Variants in AGBL4 observed in about 807,000 individuals in gnomAD.
AGBL4 encodes the protein AGBL carboxypeptidase 4, also known as cytosolic carboxypeptidase 6.
In AGBL4, 58 loss-of-function variants were observed where a neutral mutation model predicts 66.4. The ratio of observed to expected loss-of-function variants is 0.87; its 90% CI spans 0.71 to 1.09. The LOEUF is 1.09. Among genes scored for constraint, AGBL4 ranks in the 50% least tolerant of loss-of-function variants. AGBL4 has a pLI of 0.00. For missense variants in AGBL4, 579 were observed against 631.0 expected (o/e 0.92, Z 0.88); for synonymous variants, 234 against 222.9 (o/e 1.05, Z -0.44).
intron 6 of AGBL4, among the ~76,000 whole-genome samples, chr1:48,766,897 T>C (rs573429360): frequency 6.6e-6 from 1 of 152,350 alleles, no homozygotes; most frequent in South Asian, 2.1e-4. Context: ...GTAGTCCTTG[T>C]GTTTTTGGTC....
intron 3 of AGBL4, among the ~76,000 whole-genome samples, chr1:49,494,943 G>A (rs1364258042): frequency 6.6e-6 from 1 of 151,954 alleles, no homozygotes; most frequent in Admixed American, 6.6e-5. Context: ...CCTGTTTCCT[G>A]ACTTTTAGTA....
intron 2 of AGBL4, among the ~76,000 whole-genome samples, chr1:49,767,874 C>T (rs1643934223): frequency 6.6e-6 from 1 of 151,710 alleles, no homozygotes; most frequent in Non-Finnish European, 1.5e-5. Context: ...TTCCTGGGAG[C>T]ACACAATCTC....
At chr1:49,004,732 C>G (rs528699005) in intron 5 of AGBL4, among the ~76,000 whole-genome samples, 4 of 152,152 alleles carry the variant, frequency 2.6e-5, no homozygotes, top group Non-Finnish European at 4.4e-5. Context: ...ATTAGTGGAG[C>G]CTTGAAGTAA....
chr1:49,531,344 T>C (rs1389687277), intron 3 of AGBL4, among the ~76,000 whole-genome samples: 2 of 152,068 alleles, frequency 1.3e-5, no homozygotes, highest in African/African-American at 4.8e-5. Flanking sequence ...TTAAATGATC[T>C]GTAGAGTCCC....
At chr1:49,680,576 T>C (rs947568991) in intron 3 of AGBL4, among the ~76,000 whole-genome samples, 1 of 152,148 alleles carries the variant, frequency 6.6e-6, no homozygotes, top group East Asian at 1.9e-4. Context: ...GATCTCTTAT[T>C]ATAAAGCCTC....
intron 4 of AGBL4, among the ~76,000 whole-genome samples, chr1:49,222,772 G>T (rs181790704): frequency 6.6e-6 from 1 of 152,262 alleles, no homozygotes; most frequent in Non-Finnish European, 1.5e-5. Flanking sequence ...TAAATGGACT[G>T]CTCATTCTCT....
intron 9 of AGBL4, among the ~76,000 whole-genome samples, chr1:48,620,563 C>T (rs1570031923): frequency 6.6e-6 from 1 of 152,150 alleles, no homozygotes; most frequent in Non-Finnish European, 1.5e-5. Context: ...ATGCCTGGCC[C>T]AGTCTGTCTT....
chr1:48,619,682 C>G (rs544629592), intron 9 of AGBL4, among the ~76,000 whole-genome samples: 3 of 152,314 alleles, frequency 2.0e-5, no homozygotes, highest in Admixed American at 2.0e-4. Context: ...AAGTTTTCCT[C>G]TTGTAACTGG....
chr1:49,245,769 C>G lies in AGBL4; in HGVS notation c.377+1G>C. On this transcript the variant is annotated splice_donor_variant, in intron 4 of 13. Transcript: ENST00000371839. LOFTEE classifies it high-confidence loss of function. ...GGGGTCCCATTCTGTAGATCACTTA[C>G]CATTTTGGTCTGCTGGTAGATTTCA... is the stretch of plus-strand genomic sequence containing the variant. 1 of 1,547,912 alleles carries G rather than the reference C, an allele frequency of 6.5e-7. No homozygotes were observed. The highest frequency in any genetic ancestry group is 1.7e-4 in the Middle Eastern group (1 of 5,970).
intron 3 of AGBL4, among the ~76,000 whole-genome samples, chr1:49,681,076 A>G (rs1018903044): frequency 1.3e-5 from 2 of 151,916 alleles, no homozygotes; most frequent in Non-Finnish European, 2.9e-5. Flanking sequence ...TGTTCTTTGT[A>G]TCTTCTATTT....
chr1:49,666,151 G>C (rs1480714091), intron 3 of AGBL4, among the ~76,000 whole-genome samples: 1 of 151,958 alleles, frequency 6.6e-6, no homozygotes. Context: ...ATAGCCCCTT[G>C]AGAGCAGCAA....
intron 3 of AGBL4, among the ~76,000 whole-genome samples, chr1:49,380,735 G>C (rs1644584866): frequency 1.3e-5 from 2 of 152,144 alleles, no homozygotes; most frequent in Non-Finnish European, 2.9e-5. Flanking sequence ...AGAAAAACAA[G>C]CAATGGGGAA....
chr1:48,873,784 C>A (rs1294792447), intron 5 of AGBL4, among the ~76,000 whole-genome samples: 1 of 152,094 alleles, frequency 6.6e-6, no homozygotes, highest in Non-Finnish European at 1.5e-5. Context: ...CTATTTCTGT[C>A]TTGGGGACCC....
At chr1:49,957,264 C>G (rs150629518) in intron 1 of AGBL4, among the ~76,000 whole-genome samples, 385 of 152,100 alleles carry the variant, frequency 2.5e-3, no homozygotes, top group Non-Finnish European at 4.5e-3. Flanking sequence ...TTTGCTAGGA[C>G]TGCTTTACCT....
At chr1:49,588,356 A>C (rs948681890) in intron 3 of AGBL4, among the ~76,000 whole-genome samples, 5 of 152,182 alleles carry the variant, frequency 3.3e-5, no homozygotes, top group Admixed American at 2.6e-4. Flanking sequence ...TTAAGGACAG[A>C]GACTGAATCC....
chr1:49,551,429 G>A (rs1282683120), intron 3 of AGBL4, among the ~76,000 whole-genome samples: 2 of 152,208 alleles, frequency 1.3e-5, no homozygotes. Context: ...GGTAGACTCT[G>A]TCAGAGGGAA....
chr1:49,499,429 T>C (rs1259692225), intron 3 of AGBL4, among the ~76,000 whole-genome samples: 1 of 151,950 alleles, frequency 6.6e-6, no homozygotes, highest in Non-Finnish European at 1.5e-5. Flanking sequence ...ATAAGTTCCT[T>C]AATGGTGATT....
intron 5 of AGBL4, among the ~76,000 whole-genome samples, chr1:48,910,192 C>A (rs1304872738): frequency 2.0e-5 from 3 of 152,184 alleles, no homozygotes; most frequent in African/African-American, 7.2e-5. Flanking sequence ...ACAGATGAGG[C>A]TGACTGAAAG....
intron 1 of AGBL4, among the ~76,000 whole-genome samples, chr1:49,871,648 T>A (rs1409708894): frequency 2.6e-5 from 4 of 152,146 alleles, no homozygotes; most frequent in Non-Finnish European, 5.9e-5. Flanking sequence ...CACTGTCAAA[T>A]GTAAAATGTT....
Sources: allele counts gnomAD v4.1 joint callset (sites outside exome capture counted in the v4.1 genomes callset), GRCh38; gene constraint gnomAD v4.1.1; transcripts MANE v1.5; gene names NCBI Gene and HGNC (gene_info 2026-07-23, HGNC 2026-07-21).